The following PLA2G4E variants were observed in gnomAD, a reference collection of about 807,000 sequenced individuals.
PLA2G4E encodes phospholipase A2 group IVE.
PLA2G4E carries 84 observed loss-of-function variants against 109.1 expected under a neutral mutation model. The observed-to-expected ratio is 0.77, with a 90% confidence interval of 0.65 to 0.92. The LOEUF (loss-of-function observed/expected upper bound fraction) is 0.92. Ranked by LOEUF, PLA2G4E falls within the 40% of genes least tolerant of loss-of-function variation. The probability of loss-of-function intolerance (pLI) is 0.00; values close to 1 mark genes in which losing one functional copy is unlikely to be tolerated. For synonymous variants in PLA2G4E, 469 were observed against 436.1 expected, an observed-to-expected ratio of 1.08 and a Z score of -0.94; for missense variants, 1,057 against 1,076.6, an observed-to-expected ratio of 0.98 and a Z score of 0.25.
chr15:42,049,372 G>A (rs549071278), intron 1 of PLA2G4E, among the ~76,000 whole-genome samples: 2 of 152,236 alleles, frequency 1.3e-5, no homozygotes, highest in South Asian at 4.2e-4. Context: ...TCATCCATGC[G>A]GGCAGCGGCC....
Position 42,004,983 on chromosome 15 carries a change from T to A in PLA2G4E, c.526-5A>T, listed in dbSNP as rs1350032439. On this transcript the variant is annotated splice_polypyrimidine_tract_variant and splice_region_variant and intron_variant, in intron 4 of 19. Coordinates refer to ENST00000399518, the Ensembl canonical transcript of PLA2G4E. Reference sequence around the variant, plus strand: ...CACCTCCAGCTCTTCCATGCCCTGGTAGGGGAGGGAGGGAAGGCAGCTGTG... The same window carrying A: ...CACCTCCAGCTCTTCCATGCCCTGGAAGGGGAGGGAGGGAAGGCAGCTGTG... The A allele has an allele frequency of 1.2e-6, 2 of 1,612,456 alleles. No individual in the cohort carries two copies. Among genetic ancestry groups the A allele is most frequent in the African/African-American group, 2.7e-5 (2 of 74,848 alleles).
intron 18 of PLA2G4E, among the ~76,000 whole-genome samples, chr15:41,984,882 A>T (rs1363637376): frequency 6.6e-6 from 1 of 152,304 alleles, no homozygotes; most frequent in East Asian, 1.9e-4. Flanking sequence ...CCAAACACAG[A>T]CTTGGGTGGA....
intron 1 of PLA2G4E, among the ~76,000 whole-genome samples, chr15:42,045,689 G>A (rs1490792447): frequency 1.3e-5 from 2 of 152,146 alleles, no homozygotes; most frequent in Admixed American, 1.3e-4. Context: ...ATCCTTGCCG[G>A]GCATCTGAAA....
At position 42,010,130 on chromosome 15, in the gene PLA2G4E, TGG is replaced by T. The variant is rs2068518085; in HGVS notation, c.257-2267_257-2266del. 2.0e-5 allele frequency: 9 copies of T among 448,916 alleles called. No individual in the cohort carries two copies. In the African/African-American group the frequency reaches 2.3e-4, roughly 12 times the overall value. 27.8% of individuals were successfully genotyped at this position (448,916 alleles called of 1,614,324 possible). ...CCTTCCCTTGGCTTTTCCAGAACAC[TGG>T]CCCCCCCACCCCGGGCCTGGACCAC... On this transcript the variant is annotated intron_variant, in intron 2 of 19. Transcript: ENST00000399518.
intron 1 of PLA2G4E, among the ~76,000 whole-genome samples, chr15:42,028,892 C>T (rs1290852044): frequency 6.6e-6 from 1 of 152,038 alleles, no homozygotes. Flanking sequence ...GTTGAGATGT[C>T]CCAGAACTTC....
At chr15:42,006,118 C>A in exon 4 of PLA2G4E, 1 of 1,613,650 alleles carries the variant, frequency 6.2e-7, no homozygotes, top group Non-Finnish European at 8.5e-7. Context: ...AACTCTAGCA[C>A]GTTCTAGGGG....
intron 1 of PLA2G4E, among the ~76,000 whole-genome samples, chr15:42,029,303 C>T (rs1889075181): frequency 6.6e-6 from 1 of 152,098 alleles, no homozygotes; most frequent in African/African-American, 2.4e-5. Flanking sequence ...GCCATGTTGC[C>T]CAGGCCAGTC....
chr15:42,037,037 G>C (rs139402697), intron 1 of PLA2G4E, among the ~76,000 whole-genome samples: 17 of 152,230 alleles, frequency 1.1e-4, no homozygotes, highest in African/African-American at 4.1e-4. Context: ...GCCCCCTGCC[G>C]CTTCAGCCCC....
At chr15:42,035,374 ACATTT>A (rs1302658823) in intron 1 of PLA2G4E, among the ~76,000 whole-genome samples, 1 of 152,224 alleles carries the variant, frequency 6.6e-6, no homozygotes, top group African/African-American at 2.4e-5. Flanking sequence ...CTGAAACATT[ACATTT>A]CAACACCTGT....
At chr15:42,016,426 C>T (rs1353271230) in intron 1 of PLA2G4E, among the ~76,000 whole-genome samples, 1 of 151,916 alleles carries the variant, frequency 6.6e-6, no homozygotes, top group African/African-American at 2.4e-5. Flanking sequence ...CAACCTCTGC[C>T]TCCCAGGTTC....
intron 1 of PLA2G4E, among the ~76,000 whole-genome samples, chr15:42,021,772 C>T (rs912837850): frequency 1.3e-5 from 2 of 152,216 alleles, no homozygotes; most frequent in African/African-American, 4.8e-5. Flanking sequence ...GCCTGTTCTG[C>T]TGCCTGACTC....
intron 2 of PLA2G4E, among the ~76,000 whole-genome samples, 183 bp downstream of exon 2, chr15:42,013,502 A>G (rs1331984610): frequency 6.6e-6 from 1 of 152,238 alleles, no homozygotes; most frequent in Admixed American, 6.5e-5. Flanking sequence ...AGTCTGAACT[A>G]CAACTTGAGT....
intron 15 of PLA2G4E, among the ~76,000 whole-genome samples, chr15:41,988,444 G>C (rs562389697): frequency 6.6e-6 from 1 of 152,300 alleles, no homozygotes; most frequent in Non-Finnish European, 1.5e-5. Context: ...TGCAGGCTTT[G>C]AGTTTAAGTC....
chr15:42,013,687 A>G (rs777444201), exon 2 of PLA2G4E: 56 of 1,550,012 alleles, frequency 3.6e-5, no homozygotes, highest in Non-Finnish European at 4.6e-5. Flanking sequence ...ATACTCACGC[A>G]TATCAGCCTG....
At chr15:42,023,344 C>G (rs1347839482) in intron 1 of PLA2G4E, among the ~76,000 whole-genome samples, 2 of 151,154 alleles carry the variant, frequency 1.3e-5, no homozygotes, top group Non-Finnish European at 2.9e-5. Flanking sequence ...TCATTCCATA[C>G]TAGATTAGGG....
chr15:41,990,049 T>G, intron 14 of PLA2G4E, 72 bp downstream of exon 14: 1 of 1,144,116 alleles, frequency 8.7e-7, no homozygotes, highest in Non-Finnish European at 1.3e-6. Context: ...GACCTGGAGG[T>G]GCTGGGTGCT....
At chr15:41,988,345 G>A (rs1037153265) in intron 15 of PLA2G4E, among the ~76,000 whole-genome samples, 189 bp from the exon 16 acceptor site, 1 of 151,634 alleles carries the variant, frequency 6.6e-6, no homozygotes, top group Admixed American at 6.6e-5. Flanking sequence ...GAGGGGCTCA[G>A]CTCTCAGCTC....
intron 1 of PLA2G4E, among the ~76,000 whole-genome samples, chr15:42,017,080 G>A (rs549131230): frequency 1.3e-5 from 2 of 152,322 alleles, no homozygotes; most frequent in South Asian, 4.1e-4. Context: ...TTCTCAGAGG[G>A]CAACTAGAGT....
intron 2 of PLA2G4E, among the ~76,000 whole-genome samples, chr15:42,011,598 C>T (rs1048186914): frequency 6.6e-6 from 1 of 152,020 alleles, no homozygotes; most frequent in Non-Finnish European, 1.5e-5. Context: ...GGTGTGGTGG[C>T]CCATGCCTGT....
Sources: allele counts gnomAD v4.1 joint callset (sites outside exome capture counted in the v4.1 genomes callset), GRCh38; gene constraint gnomAD v4.1.1; transcripts MANE v1.5; gene names NCBI Gene and HGNC (gene_info 2026-07-23, HGNC 2026-07-21).